The following TMEM39B variants were observed in gnomAD, a reference collection of about 807,000 sequenced individuals.
The protein encoded by TMEM39B is transmembrane protein 39B.
A neutral mutation model predicts 52.2 loss-of-function variants in TMEM39B; 23 were observed. The observed-to-expected ratio is 0.44, with a 90% confidence interval of 0.32 to 0.62. The LOEUF (loss-of-function observed/expected upper bound fraction) is 0.62, where lower values mean the gene tolerates loss of function less well. Ranked by LOEUF, TMEM39B falls within the 20% of genes least tolerant of loss-of-function variation. The probability of loss-of-function intolerance (pLI) is 0.06; values close to 1 mark genes in which losing one functional copy is unlikely to be tolerated. For synonymous variants in TMEM39B, 285 were observed against 264.0 expected, an observed-to-expected ratio of 1.08 and a Z score of -0.77; for missense variants, 547 against 642.0, an observed-to-expected ratio of 0.85 and a Z score of 1.60.
intron 6 of TMEM39B, 51 bp downstream of exon 6, chr1:32,092,062 G>A: frequency 6.5e-7 from 1 of 1,539,040 alleles, no homozygotes; most frequent in Non-Finnish European, 8.8e-7. Flanking sequence ...ACTTTACCCT[G>A]CTGCCTGCCC....
intron 5 of TMEM39B, among the ~76,000 whole-genome samples, chr1:32,079,931 A>C (rs892780499): frequency 6.6e-6 from 1 of 151,938 alleles, no homozygotes. Flanking sequence ...CACCAAGCCC[A>C]GCTAATTTTG....
rs541763560 is a variant in TMEM39B at position 32,093,397 on chromosome 1, C to A, written c.927+1386C>A. On this transcript the variant is annotated intron_variant, in intron 6 of 8. Coordinates refer to ENST00000336294, the MANE Select transcript of TMEM39B (RefSeq NM_018056.4). ...TATAGCCATGAGCCACCAAGCCCGG[C>A]CCTTTTTTTTTTTTTTTTTTTTTTT... Among the ~76,000 whole-genome samples the A allele has an allele frequency of 7.1e-3, 905 of 127,200 alleles. 7 individuals carry two copies. Among genetic ancestry groups the A allele is most frequent in the African/African-American group, 0.024 (831 of 34,516 alleles). 83.4% of individuals were successfully genotyped at this position (127,200 alleles called of 152,430 possible).
chr1:32,083,896 C>A (rs1316083258), intron 5 of TMEM39B, among the ~76,000 whole-genome samples: 1 of 152,100 alleles, frequency 6.6e-6, no homozygotes, highest in Non-Finnish European at 1.5e-5. Context: ...CAGGTACAGG[C>A]TACCATGCCC....
chr1:32,074,652 G>A (rs1280522555), intron 1 of TMEM39B, among the ~76,000 whole-genome samples: 1 of 152,106 alleles, frequency 6.6e-6, no homozygotes, highest in Non-Finnish European at 1.5e-5. Flanking sequence ...TTCAGAAATG[G>A]CAGTCCGGGA....
chr1:32,073,545 C>T (rs979539163), intron 1 of TMEM39B: 2 of 993,882 alleles, frequency 2.0e-6, no homozygotes, highest in African/African-American at 1.7e-5. Context: ...TGTGTGTAGG[C>T]GGAGCTTCTG....
At chr1:32,076,448 C>T in intron 3 of TMEM39B, 1 of 440,760 alleles carries the variant, frequency 2.3e-6, no homozygotes, top group Admixed American at 3.2e-5. Flanking sequence ...GGAGATGAAC[C>T]ACAGGGATAC....
In TMEM39B at chr1:32,072,969, C is replaced by G; in HGVS notation, c.-79C>G. On this transcript the variant is annotated 5_prime_UTR_variant, in exon 1 of 9. Transcript: ENST00000336294. ...CCGGGACTGGGCTGCGGCGGTTAGT[C>G]CTCTCCCGGCCGCCGTCGCCTCCGA... 6.6e-7 allele frequency: 1 copy of G among 1,519,608 alleles called. No homozygotes were observed. The highest frequency in any genetic ancestry group is 8.8e-7 in the Non-Finnish European group (1 of 1,130,258). 94.1% of individuals were successfully genotyped at this position (1,519,608 alleles called of 1,614,324 possible).
At position 32,100,546 on chromosome 1, in the gene TMEM39B, C is replaced by T; in HGVS notation, c.1220C>T (p.Ser407Phe). The change falls in exon 8 of 9, where the codon TCC becomes TTC. Residue 407 changes from serine to phenylalanine, a missense_variant. Physicochemically the swap from Ser to Phe is radical, Grantham distance 155. Transcript: ENST00000336294. Reference sequence around the variant, plus strand: ...AACGTGGCTATCCCCTCTGACGTCTCCCACTTCCGCTTCCATGTGAGTCTC... The same window carrying T: ...AACGTGGCTATCCCCTCTGACGTCTTCCACTTCCGCTTCCATGTGAGTCTC... ...HYNVAIPSDV[S>F]HFRFHFFFSK... 1 of 1,614,172 alleles carries T rather than the reference C, an allele frequency of 6.2e-7. No homozygotes were observed. Among genetic ancestry groups the T allele is most frequent in the African/African-American group, 1.3e-5 (1 of 75,050 alleles).
At chr1:32,074,689 G>A (rs996928417) in intron 1 of TMEM39B, among the ~76,000 whole-genome samples, 1 of 152,152 alleles carries the variant, frequency 6.6e-6, no homozygotes, top group African/African-American at 2.4e-5. Flanking sequence ...GATATTATAA[G>A]TGCTAGAGGT....
chr1:32,072,915 G>C (rs71646353), upstream of TMEM39B: 2 of 1,240,976 alleles, frequency 1.6e-6, no homozygotes, highest in African/African-American at 1.6e-5. Flanking sequence ...TGCAAATGTA[G>C]CGGCGCGGCG....
chr1:32,073,189 G>A (rs1569846604), intron 1 of TMEM39B, 138 bp downstream of exon 1: 3 of 1,144,146 alleles, frequency 2.6e-6, no homozygotes, highest in Admixed American at 3.8e-5. Flanking sequence ...ACGGGATCCC[G>A]CCCCCTCCTG....
intron 1 of TMEM39B, among the ~76,000 whole-genome samples, chr1:32,074,680 A>G (rs1041075446): frequency 2.6e-5 from 4 of 152,036 alleles, no homozygotes; most frequent in Non-Finnish European, 5.9e-5. Flanking sequence ...TCCAGATAGG[A>G]TATTATAAGT....
intron 7 of TMEM39B, among the ~76,000 whole-genome samples, chr1:32,100,085 G>A (rs1313786171): frequency 6.6e-6 from 1 of 151,968 alleles, no homozygotes; most frequent in Non-Finnish European, 1.5e-5. Flanking sequence ...AGCAGAGGGT[G>A]GTCAGGCTGA....
intron 3 of TMEM39B, 84 bp from the exon 4 acceptor site, chr1:32,076,679 A>G (rs941829266): frequency 5.2e-6 from 7 of 1,355,844 alleles, no homozygotes. Flanking sequence ...TGTGGAAAGA[A>G]ATGGGCAGCG....
chr1:32,073,754 A>G, intron 1 of TMEM39B: 1 of 985,340 alleles, frequency 1.0e-6, no homozygotes, highest in Non-Finnish European at 1.2e-6. Context: ...GTGGAGGTTT[A>G]TAATTTTGGG....
At chr1:32,082,040 A>C (rs545373645) in intron 5 of TMEM39B, among the ~76,000 whole-genome samples, 1 of 152,156 alleles carries the variant, frequency 6.6e-6, no homozygotes, top group African/African-American at 2.4e-5. Context: ...GTTCCCAGTA[A>C]TTGATAGCTT....
At chr1:32,083,695 T>G (rs932922856) in intron 5 of TMEM39B, among the ~76,000 whole-genome samples, 1 of 152,106 alleles carries the variant, frequency 6.6e-6, no homozygotes, top group South Asian at 2.1e-4. Flanking sequence ...GTGCTGGGAT[T>G]ACAGGTGTGA....
chr1:32,091,557 C>T (rs1439545826), intron 5 of TMEM39B, 118 bp from the exon 6 acceptor site: 2 of 1,169,570 alleles, frequency 1.7e-6, no homozygotes, highest in African/African-American at 3.1e-5. Context: ...GGTAAATTCT[C>T]CCCTCTGGGC....
Position 32,102,690 on chromosome 1 carries a change from A to G in TMEM39B, c.*17A>G. On this transcript the variant is annotated 3_prime_UTR_variant, in exon 9 of 9. Coordinates refer to ENST00000336294, the MANE Select transcript of TMEM39B (RefSeq NM_018056.4). Reference sequence around the variant, plus strand: ...TTCTCCTGAGCCCTGGGGTCACCTCAGGGACAGCGTCCAGGCTTCAGCCAA... The same window carrying G: ...TTCTCCTGAGCCCTGGGGTCACCTCGGGGACAGCGTCCAGGCTTCAGCCAA... 2 of 1,500,680 alleles carry G rather than the reference A, an allele frequency of 1.3e-6. No homozygotes were observed. The highest frequency in any genetic ancestry group is 8.9e-7 in the Non-Finnish European group (1 of 1,119,884). The allele number at this position is 1,500,680 out of a possible 1,614,324, so 93.0% of individuals were successfully genotyped here. A position where few individuals can be genotyped will look rare whatever the true frequency, so the allele number is the denominator to read the frequency against.
Sources: gnomAD v4.1 joint callset for allele counts (sites outside exome capture counted in the v4.1 genomes callset) on GRCh38, gnomAD v4.1.1 for gene constraint, MANE v1.5 for transcripts, NCBI Gene and HGNC (gene_info 2026-07-23, HGNC 2026-07-21) for gene names.